SLC35F5: variants seen among roughly 807,000 people sequenced by gnomAD.
SLC35F5 encodes the protein solute carrier family 35 member F5.
Under a neutral mutation model 68.6 loss-of-function variants are expected in SLC35F5, and 54 were observed. That is an observed-to-expected ratio of 0.79 (90% CI 0.63 to 0.99). The LOEUF (loss-of-function observed/expected upper bound fraction) is 0.99. Ranked by LOEUF, SLC35F5 falls within the 50% of genes least tolerant of loss-of-function variation. The pLI is 0.00. For synonymous variants in SLC35F5, 211 were observed against 205.2 expected, an observed-to-expected ratio of 1.03 and a Z score of -0.24; for missense variants, 567 against 626.9, an observed-to-expected ratio of 0.90 and a Z score of 1.02.
Position 113,746,311 on chromosome 2 carries a change from G to A in SLC35F5, c.446C>T (p.Ala149Val). Residue 149 changes from alanine (A) to valine (V), a missense_variant, in exon 5 of 16, where the codon GCT (alanine) becomes GTT (valine). By Grantham distance (64) the Ala-to-Val change is moderately conservative (BLOSUM62 0). Coordinates refer to ENST00000245680, the MANE Select transcript of SLC35F5 (RefSeq NM_025181.5). ...ATTCATAGTTGTATCTGTTGTGCAA[G>A]CAGCAAAGTAACCTTCAGCATCTGC... ...FFADAEGYFA[A>V]CTTDTTMNSS... 6 of 1,613,256 alleles carry A rather than the reference G, an allele frequency of 3.7e-6. No individual in the cohort carries two copies. The highest frequency in any genetic ancestry group is 5.1e-6 in the Non-Finnish European group (6 of 1,179,686).
chr2:113,735,879 A>G (rs1479079253), intron 7 of SLC35F5, 21 bp from the exon 8 acceptor site: 1 of 1,491,846 alleles, frequency 6.7e-7, no homozygotes, highest in Admixed American at 1.7e-5. Context: ...AGAAAACCAA[A>G]GTGAACCCTA....
At chr2:113,752,745 C>T (rs1676794325) in intron 3 of SLC35F5, among the ~76,000 whole-genome samples, 1 of 151,676 alleles carries the variant, frequency 6.6e-6, no homozygotes. Context: ...TAGATCCTAA[C>T]AAACTTAATG....
chr2:113,733,987 G>A (rs1687992799), intron 9 of SLC35F5, among the ~76,000 whole-genome samples: 1 of 152,194 alleles, frequency 6.6e-6, no homozygotes, highest in Non-Finnish European at 1.5e-5. Flanking sequence ...GGTCTTTGAT[G>A]ACACAAATAT....
In SLC35F5 at chr2:113,712,323, CTT is replaced by C. The variant is rs71969221; in HGVS notation, c.*2893_*2894del. Among the ~76,000 whole-genome samples, 37 of 148,268 alleles carry C rather than the reference CTT, an allele frequency of 2.5e-4. 1 individual carries two copies. The East Asian group carries it at 2.8e-3, about 11-fold the overall frequency. On this transcript the variant is annotated 3_prime_UTR_variant, in exon 16 of 16. Transcript: ENST00000245680. ...AAAGCATTCATTTCAAAAGTATTCA[CTT>C]TTTTTTTTTTTGAGACGGAGTCTCG...
intron 9 of SLC35F5, among the ~76,000 whole-genome samples, chr2:113,732,141 G>C (rs1467451600): frequency 3.6e-5 from 4 of 112,428 alleles, no homozygotes; most frequent in Non-Finnish European, 8.5e-5. Context: ...TTGCTTATTG[G>C]TAAAATCTAA....
intron 13 of SLC35F5, 76 bp downstream of exon 13, chr2:113,723,028 A>T: frequency 1.1e-6 from 1 of 947,252 alleles, no homozygotes; most frequent in Non-Finnish European, 1.5e-6. Context: ...TTATAATTTA[A>T]TCACATCTCA....
At chr2:113,717,061 T>G (rs1215969325) in intron 15 of SLC35F5, among the ~76,000 whole-genome samples, 2 of 152,242 alleles carry the variant, frequency 1.3e-5, no homozygotes, top group African/African-American at 4.8e-5. Context: ...CTAGTAGTTT[T>G]TTGTGATCTT....
In SLC35F5 at chr2:113,714,856, A is replaced by G. The variant is rs534988230; in HGVS notation, c.*362T>C. On this transcript the variant is annotated 3_prime_UTR_variant, in exon 16 of 16. Transcript: ENST00000245680. The stretch of plus-strand genomic sequence containing the variant: ...GTGATTTCTTGAAAACATTTTCATA[A>G]TATATTCCAGCATTTAACATGTGAA... 54 of 152,624 alleles carry G rather than the reference A, an allele frequency of 3.5e-4. No individual in the cohort carries two copies. The highest frequency in any genetic ancestry group is 7.4e-4 in the Non-Finnish European group (50 of 67,994). The allele number at this position is 152,624 out of a possible 1,614,324, so 9.5% of individuals were successfully genotyped here. A position where few individuals can be genotyped will look rare whatever the true frequency, so the allele number is the denominator to read the frequency against.
At chr2:113,718,397 T>C (rs1376234836) in intron 14 of SLC35F5, among the ~76,000 whole-genome samples, 2 of 152,186 alleles carry the variant, frequency 1.3e-5, no homozygotes, top group African/African-American at 4.8e-5. Flanking sequence ...AAAGCTTTCA[T>C]TCTTAAAAAG....
At chr2:113,725,305 C>T in intron 12 of SLC35F5, 73 bp downstream of exon 12, 3 of 1,444,514 alleles carry the variant, frequency 2.1e-6, no homozygotes, top group Non-Finnish European at 2.8e-6. Flanking sequence ...CACCAGCAAA[C>T]AGACAAATAT....
At chr2:113,745,911 T>C (rs146862912) in intron 5 of SLC35F5, among the ~76,000 whole-genome samples, 15 of 152,262 alleles carry the variant, frequency 9.9e-5, no homozygotes, top group East Asian at 1.9e-4. Context: ...TGTAAAAAAT[T>C]TGTGGAACAA....
At chr2:113,749,518 T>G (rs1330050428) in intron 4 of SLC35F5, among the ~76,000 whole-genome samples, 1 of 152,024 alleles carries the variant, frequency 6.6e-6, no homozygotes, top group Non-Finnish European at 1.5e-5. Flanking sequence ...ATTAATAATT[T>G]TAAAAAGGAT....
chr2:113,731,323 A>C (rs546150903), intron 10 of SLC35F5, among the ~76,000 whole-genome samples: 8 of 151,734 alleles, frequency 5.3e-5, no homozygotes, highest in Non-Finnish European at 1.2e-4. Flanking sequence ...TATAGATAAC[A>C]GTATCATAAT....
intron 3 of SLC35F5, among the ~76,000 whole-genome samples, chr2:113,754,371 A>G (rs764813743): frequency 6.6e-6 from 1 of 152,124 alleles, no homozygotes; most frequent in Non-Finnish European, 1.5e-5. Context: ...CTTAGCTACA[A>G]TATGAGACCT....
At chr2:113,720,368 C>A (rs1687384250) in intron 13 of SLC35F5, among the ~76,000 whole-genome samples, 1 of 151,204 alleles carries the variant, frequency 6.6e-6, no homozygotes, top group South Asian at 2.1e-4. Context: ...GGTAAGACTC[C>A]CTCTGGTGGA....
At chr2:113,731,960 C>T (rs1033173336) in intron 9 of SLC35F5, among the ~76,000 whole-genome samples, 1 of 152,066 alleles carries the variant, frequency 6.6e-6, no homozygotes, top group Non-Finnish European at 1.5e-5. Context: ...GATCACATAG[C>T]CGAGACTGAA....
exon 1 of SLC35F5, chr2:113,756,619 ATGGCCGCGGAGGCCCGGAGATCTGCTC>A: frequency 7.5e-7 from 1 of 1,331,418 alleles, no homozygotes; most frequent in Non-Finnish European, 9.8e-7. Flanking sequence ...ACAGTCAGCT[ATGGCCGCGGAGGCCCGGAGATCTGCTC>A]TGGCCCCGGC....
At chr2:113,725,808 A>G (rs115402366) in intron 11 of SLC35F5, 3,964 of 266,066 alleles carry the variant, frequency 0.015, 47 homozygotes, top group Non-Finnish European at 0.019. Context: ...GGACAACTCA[A>G]CAAGAAGGGT....
intron 1 of SLC35F5, chr2:113,755,753 G>T: frequency 1.7e-6 from 2 of 1,154,854 alleles, no homozygotes; most frequent in Non-Finnish European, 2.5e-6. Flanking sequence ...GATACGGGGC[G>T]GGCAGGGAGG....
Sources: allele counts gnomAD v4.1 joint callset (sites outside exome capture counted in the v4.1 genomes callset), GRCh38; gene constraint gnomAD v4.1.1; transcripts MANE v1.5; gene names NCBI Gene and HGNC (gene_info 2026-07-23, HGNC 2026-07-21).